The following CFAP47 variants were observed in gnomAD, a reference collection of about 807,000 sequenced individuals.
CFAP47 encodes cilia- and flagella-associated protein 47.
Under a neutral mutation model 148.1 loss-of-function variants are expected in CFAP47, and 29 were observed. The ratio of observed to expected loss-of-function variants is 0.20; its 90% CI spans 0.15 to 0.27. CFAP47 has a LOEUF of 0.27. CFAP47 is among the 10% of genes least tolerant of loss of function. The pLI, the probability that CFAP47 is intolerant of heterozygous loss-of-function variation, is 1.00. For synonymous variants in CFAP47, 664 were observed against 577.3 expected (o/e 1.15, Z -2.15); for missense variants, 1,872 against 1,697.5 (o/e 1.10, Z -1.81).
At chrX:36,308,010 G>A (rs1344236048) in intron 55 of CFAP47, among the ~76,000 whole-genome samples, 1 of 111,282 alleles carries the variant, frequency 9.0e-6, no homozygotes, top group Non-Finnish European at 1.9e-5. Flanking sequence ...TCTTTTAAGC[G>A]ATTGCTGCAT....
At chrX:36,204,485 G>A (rs782283357) in intron 44 of CFAP47, among the ~76,000 whole-genome samples, 7 of 110,675 alleles carry the variant, frequency 6.3e-5, no homozygotes, top group Admixed American at 2.9e-4. Flanking sequence ...GCTAAATGAC[G>A]AGTTAATGGG....
At chrX:36,374,575 T>C (rs1004158871) in intron 62 of CFAP47, among the ~76,000 whole-genome samples, 1 of 111,260 alleles carries the variant, frequency 9.0e-6, no homozygotes, top group Non-Finnish European at 1.9e-5. Flanking sequence ...TTCTGCTAAC[T>C]TTGGGTTTAG....
chrX:35,951,859 A>G lies in CFAP47; in HGVS notation c.942A>G (p.Arg314=). Reference sequence around the variant, plus strand: ...CTTTAAATAATCTCACCTACATAAGAAAAATAAAGAACATAGATACTACTA... The same window carrying G: ...CTTTAAATAATCTCACCTACATAAGGAAAATAAAGAACATAGATACTACTA... ...DIALNNLTYI[R]KIKNIDTTII... The change falls in exon 6 of 64, where the codon AGA becomes AGG. Residue 314 remains arginine (R), a synonymous_variant. Transcript: ENST00000378653. 3 of 1,168,876 alleles carry G rather than the reference A, an allele frequency of 2.6e-6. No homozygotes were observed. Among genetic ancestry groups the G allele is most frequent in the Non-Finnish European group, 3.4e-6 (3 of 881,435 alleles).
intron 33 of CFAP47, among the ~76,000 whole-genome samples, chrX:36,113,305 T>G (rs1938584087): frequency 8.9e-6 from 1 of 111,826 alleles, no homozygotes; most frequent in Non-Finnish European, 1.9e-5. Flanking sequence ...AATTCCAACA[T>G]TTGCTTGTCT....
chrX:35,927,596 G>GGTGTGTGT lies in CFAP47; in HGVS notation c.401+1443_401+1450dup, dbSNP rs371527797. Among the ~76,000 whole-genome samples the GGTGTGTGT allele has an allele frequency of 9.8e-3, 1,041 of 106,274 alleles. 19 individuals carry two copies. The highest frequency in any genetic ancestry group is 0.034 in the African/African-American group (981 of 29,008). The allele number at this position is 106,274 out of a possible 115,157, so 92.3% of individuals were successfully genotyped here. ...GGTGTGATGGACAGGGTTGAAGGAA[G>GGTGTGTGT]GTGTGTGTGTGTGTGTGTGTGTATG... On this transcript the variant is annotated intron_variant, in intron 2 of 63. Transcript: ENST00000378653.
chrX:36,339,881 T>C (rs1277985247), intron 57 of CFAP47, among the ~76,000 whole-genome samples: 1 of 112,198 alleles, frequency 8.9e-6, no homozygotes, highest in Non-Finnish European at 1.9e-5. Flanking sequence ...AAAACCTACT[T>C]AAAAAGCATT....
At chrX:36,342,738 A>G (rs1471474538) in intron 57 of CFAP47, among the ~76,000 whole-genome samples, 1 of 112,248 alleles carries the variant, frequency 8.9e-6, no homozygotes, top group Non-Finnish European at 1.9e-5. Context: ...ATGAAAACAT[A>G]CAAGTATTAG....
intron 40 of CFAP47, among the ~76,000 whole-genome samples, chrX:36,182,847 T>C (rs1939765986): frequency 8.9e-6 from 1 of 112,642 alleles, no homozygotes; most frequent in Non-Finnish European, 1.9e-5. Context: ...CATGGTAATA[T>C]TGCACTTCTC....
chrX:35,933,402 AT>A (rs1362536637), intron 2 of CFAP47, among the ~76,000 whole-genome samples: 5 of 111,710 alleles, frequency 4.5e-5, no homozygotes, highest in African/African-American at 1.6e-4. Context: ...ACTGGATCTC[AT>A]TTTTTATGGC....
chrX:36,337,132 C>T (rs782039931), intron 57 of CFAP47, among the ~76,000 whole-genome samples: 1 of 111,889 alleles, frequency 8.9e-6, no homozygotes, highest in Admixed American at 9.5e-5. Context: ...AACAAAAGGC[C>T]GTAACTCTCA....
At chrX:35,954,571 T>A (rs1936217027) in intron 7 of CFAP47, among the ~76,000 whole-genome samples, 1 of 111,850 alleles carries the variant, frequency 8.9e-6, no homozygotes, top group Non-Finnish European at 1.9e-5. Context: ...TACAGGTTAA[T>A]CCAGTTTTGA....
chrX:35,992,086 C>G (rs769516316), intron 17 of CFAP47, 143 bp downstream of exon 17: 1 of 268,491 alleles, frequency 3.7e-6, no homozygotes, highest in Non-Finnish European at 6.5e-6. Context: ...CTAGTTTGTC[C>G]TCTTAATTTC....
At position 36,379,427 on chromosome X, in the gene CFAP47, T is replaced by C; in HGVS notation, c.9263T>C (p.Leu3088Pro). 1 of 1,165,096 alleles carries C rather than the reference T, an allele frequency of 8.6e-7. No homozygotes were observed. The highest frequency in any genetic ancestry group is 1.1e-6 in the Non-Finnish European group (1 of 870,266). ...TTTGTAAAACCTCAGGCTGGAGAACTTCTTCCTTTTAACACAAACGGAACT... is the reference window on the plus strand; with the variant it reads ...TTTGTAAAACCTCAGGCTGGAGAACCTCTTCCTTTTAACACAAACGGAACT... ...EFFVKPQAGE[L>P]LPFNTNGTLI... is the part of the protein sequence containing the mutation. Residue 3088 changes from leucine (L) to proline (P), a missense_variant, in exon 63 of 64, where the codon CTT becomes CCT. Physicochemically the swap from Leu to Pro is moderately conservative, Grantham distance 98. Transcript: ENST00000378653.
intron 33 of CFAP47, among the ~76,000 whole-genome samples, chrX:36,112,265 T>C (rs1191260757): frequency 8.9e-6 from 1 of 111,891 alleles, no homozygotes; most frequent in Non-Finnish European, 1.9e-5. Flanking sequence ...TTTTTAACAT[T>C]GCCTTAGATG....
At chrX:36,171,609 G>C (rs1939580111) in intron 39 of CFAP47, among the ~76,000 whole-genome samples, 2 of 110,786 alleles carry the variant, frequency 1.8e-5, no homozygotes, top group Admixed American at 1.9e-4. Flanking sequence ...GATAGCTGTA[G>C]ATATGTGGCG....
chrX:36,081,693 A>G (rs1340930555), intron 29 of CFAP47, among the ~76,000 whole-genome samples: 2 of 111,676 alleles, frequency 1.8e-5, no homozygotes, highest in African/African-American at 3.3e-5. Flanking sequence ...TTCAACACAC[A>G]CTAATTAGTC....
At chrX:35,931,231 C>T (rs1013393432) in intron 2 of CFAP47, among the ~76,000 whole-genome samples, 1 of 110,955 alleles carries the variant, frequency 9.0e-6, no homozygotes, top group Non-Finnish European at 1.9e-5. Context: ...TATTTATGAT[C>T]GTTATTCCTT....
intron 26 of CFAP47, among the ~76,000 whole-genome samples, chrX:36,060,355 T>C (rs972305100): frequency 1.8e-5 from 2 of 111,961 alleles, no homozygotes; most frequent in African/African-American, 6.5e-5. Context: ...ATAAAATCAC[T>C]GAATTACAAA....
intron 57 of CFAP47, among the ~76,000 whole-genome samples, chrX:36,330,728 G>A (rs146033254): frequency 6.1e-3 from 682 of 111,789 alleles, no homozygotes; most frequent in African/African-American, 0.021. Context: ...ATAGCTGAAC[G>A]TGGCTGGAGG....
Sources: allele counts gnomAD v4.1 joint callset (sites outside exome capture counted in the v4.1 genomes callset), GRCh38; gene constraint gnomAD v4.1.1; transcripts MANE v1.5; gene names NCBI Gene and HGNC (gene_info 2026-07-23, HGNC 2026-07-21).